Variants in CREB5 observed in about 807,000 individuals in gnomAD.
CREB5 encodes cAMP responsive element binding protein 5, also known as cyclic AMP-responsive element-binding protein 5.
A neutral mutation model predicts 57.1 loss-of-function variants in CREB5; 19 were observed. The observed-to-expected ratio is 0.33, with a 90% CI of 0.23 to 0.49. The LOEUF (loss-of-function observed/expected upper bound fraction) is 0.49. Among genes scored for constraint, CREB5 ranks in the 20% least tolerant of loss-of-function variants. The pLI is 0.99. For synonymous variants in CREB5, 238 were observed against 238.3 expected (o/e 1.00, Z 0.01); for missense variants, 579 against 671.6 (o/e 0.86, Z 1.52).
chr7:28,385,722 G>A (rs1455332363), intron 1 of CREB5, among the ~76,000 whole-genome samples: 2 of 151,218 alleles, frequency 1.3e-5, no homozygotes, highest in African/African-American at 2.4e-5. Context: ...GAGGTAAAAT[G>A]GTATGAGTTT....
chr7:28,361,447 G>T (rs1474769541), intron 1 of CREB5, among the ~76,000 whole-genome samples: 1 of 152,184 alleles, frequency 6.6e-6, no homozygotes, highest in Non-Finnish European at 1.5e-5. Flanking sequence ...CCTCTCTAAG[G>T]AAGCAAAAGA....
At chr7:28,449,564 T>C (rs1789683392) in intron 1 of CREB5, among the ~76,000 whole-genome samples, 1 of 152,266 alleles carries the variant, frequency 6.6e-6, no homozygotes, top group Non-Finnish European at 1.5e-5. Context: ...TAAGTGATTT[T>C]CCTCTGTATT....
intron 5 of CREB5, among the ~76,000 whole-genome samples, chr7:28,640,109 C>T (rs1011509784): frequency 1.3e-5 from 2 of 152,014 alleles, no homozygotes; most frequent in Non-Finnish European, 2.9e-5. Flanking sequence ...GTGGGTGTGC[C>T]TCCTCTCCCT....
At chr7:28,755,616 G>A (rs1469637544) in intron 7 of CREB5, among the ~76,000 whole-genome samples, 1 of 152,150 alleles carries the variant, frequency 6.6e-6, no homozygotes. Context: ...TGGCAGTGAT[G>A]CACAAGAAGC....
intron 5 of CREB5, among the ~76,000 whole-genome samples, chr7:28,668,513 A>G (rs1799913918): frequency 6.6e-6 from 1 of 152,206 alleles, no homozygotes; most frequent in African/African-American, 2.4e-5. Context: ...GCTATGGCCA[A>G]TGAAATATAT....
At chr7:28,560,909 C>T (rs1029054939) in intron 4 of CREB5, among the ~76,000 whole-genome samples, 15,228 of 32,088 alleles carry the variant, frequency 0.47, 4,102 homozygotes, top group East Asian at 0.66. Flanking sequence ...TGCGCGCGTG[C>T]GTGTGCGTGT....
intron 5 of CREB5, among the ~76,000 whole-genome samples, chr7:28,676,227 T>G (rs1322441517): frequency 1.3e-5 from 2 of 152,206 alleles, no homozygotes; most frequent in African/African-American, 2.4e-5. Flanking sequence ...TTCCTCCAAA[T>G]CTACACACAG....
At chr7:28,405,350 G>A (rs543224392) in intron 1 of CREB5, among the ~76,000 whole-genome samples, 1 of 152,332 alleles carries the variant, frequency 6.6e-6, no homozygotes, top group South Asian at 2.1e-4. Flanking sequence ...GTGGGCAGAA[G>A]GGATGAGGAG....
intron 7 of CREB5, among the ~76,000 whole-genome samples, chr7:28,800,811 G>A (rs1244639228): frequency 1.3e-5 from 2 of 152,164 alleles, no homozygotes; most frequent in Non-Finnish European, 2.9e-5. Flanking sequence ...AGCTCTTCTA[G>A]CCCCTTCTCG....
intron 1 of CREB5, among the ~76,000 whole-genome samples, chr7:28,348,416 A>T (rs2391662): frequency 0.23 from 20,397 of 89,752 alleles, 1,538 homozygotes; most frequent in East Asian, 0.52. Context: ...TCTCACACAC[A>T]CACACACACA....
chr7:28,782,848 C>T (rs1165588795), intron 7 of CREB5, among the ~76,000 whole-genome samples: 2 of 152,076 alleles, frequency 1.3e-5, no homozygotes, highest in South Asian at 2.1e-4. Context: ...ATAAGTTGTG[C>T]GGGGCGACAG....
At chr7:28,480,478 C>T (rs1791278641) in intron 1 of CREB5, among the ~76,000 whole-genome samples, 1 of 152,150 alleles carries the variant, frequency 6.6e-6, no homozygotes, top group Non-Finnish European at 1.5e-5. Context: ...TAAACCTTGG[C>T]TATGTTTTGT....
At chr7:28,465,320 G>A (rs566183576) in intron 1 of CREB5, among the ~76,000 whole-genome samples, 71 of 152,346 alleles carry the variant, frequency 4.7e-4, no homozygotes, top group African/African-American at 1.6e-3. Context: ...CTGCCAGGCC[G>A]TGGAAAGGTG....
intron 1 of CREB5, among the ~76,000 whole-genome samples, chr7:28,315,859 G>A (rs1031259923): frequency 1.3e-5 from 2 of 152,190 alleles, no homozygotes; most frequent in Non-Finnish European, 2.9e-5. Flanking sequence ...GGGACACGGA[G>A]GACTGGCTCA....
intron 1 of CREB5, among the ~76,000 whole-genome samples, chr7:28,385,256 C>T (rs1388408309): frequency 6.6e-6 from 1 of 152,048 alleles, no homozygotes; most frequent in East Asian, 1.9e-4. Context: ...GCTTTTAAGT[C>T]ATATTTTTAC....
At chr7:28,554,069 A>G (rs1794771724) in intron 4 of CREB5, among the ~76,000 whole-genome samples, 1 of 152,160 alleles carries the variant, frequency 6.6e-6, no homozygotes, top group African/African-American at 2.4e-5. Flanking sequence ...TAATTACCTT[A>G]CTGATCCAGT....
intron 4 of CREB5, among the ~76,000 whole-genome samples, chr7:28,511,165 G>A (rs969188892): frequency 6.6e-6 from 1 of 151,456 alleles, no homozygotes; most frequent in African/African-American, 2.4e-5. Flanking sequence ...AAGTGTGATG[G>A]AGAAAGGAAT....
intron 6 of CREB5, among the ~76,000 whole-genome samples, chr7:28,720,195 G>A (rs1316013687): frequency 6.6e-6 from 1 of 152,242 alleles, no homozygotes; most frequent in Non-Finnish European, 1.5e-5. Context: ...GATGGCTGGT[G>A]TATTCACAGG....
chr7:28,710,763 A>G (rs1802361989), intron 5 of CREB5, among the ~76,000 whole-genome samples: 1 of 152,222 alleles, frequency 6.6e-6, no homozygotes, highest in Non-Finnish European at 1.5e-5. Context: ...AAATGATCTA[A>G]CTGGCCAAAC....
Sources: gnomAD v4.1 joint callset for allele counts (sites outside exome capture counted in the v4.1 genomes callset) on GRCh38, gnomAD v4.1.1 for gene constraint, MANE v1.5 for transcripts, NCBI Gene and HGNC (gene_info 2026-07-23, HGNC 2026-07-21) for gene names.